Variants in FDXACB1 observed in about 807,000 individuals in gnomAD.
The protein encoded by FDXACB1 is ferredoxin-fold anticodon-binding domain-containing protein 1.
A neutral mutation model predicts 51.7 loss-of-function variants in FDXACB1; 41 were observed. The observed-to-expected ratio is 0.79, with a 90% CI of 0.62 to 1.03. The LOEUF (loss-of-function observed/expected upper bound fraction) is 1.03. Among genes scored for constraint, FDXACB1 ranks in the 50% least tolerant of loss-of-function variants. FDXACB1 has a pLI of 0.00. For missense variants in FDXACB1, 697 were observed against 746.4 expected (o/e 0.93, Z 0.77); for synonymous variants, 273 against 278.6 (o/e 0.98, Z 0.20).
intron 3 of FDXACB1, 56 bp downstream of exon 3, chr11:111,876,752 T>C: frequency 3.1e-6 from 5 of 1,595,890 alleles, no homozygotes; most frequent in Non-Finnish European, 4.3e-6. Flanking sequence ...GAGATTTTGT[T>C]ATCATTAGTG....
rs782445807 is a variant in FDXACB1 at position 111,875,501 on chromosome 11, C to T, written c.1296G>A (p.Lys432=). The T allele has an allele frequency of 6.2e-7, 1 of 1,612,118 alleles. No individual in the cohort carries two copies. The highest frequency in any genetic ancestry group is 1.1e-5 in the South Asian group (1 of 90,928). ...LLTQTLPESS[K]LSSLVKFVLQ... ...GGACAAATTTGACTAAACTGCTCAGCTTAGAGCTCTCCGGCAATGTCTGGG... is the reference window on the plus strand; with the variant it reads ...GGACAAATTTGACTAAACTGCTCAGTTTAGAGCTCTCCGGCAATGTCTGGG... Residue 432 remains lysine (K), a synonymous_variant, in exon 5 of 5, where the codon AAG becomes AAA. Transcript: ENST00000260257.
chr11:111,875,712 G>C lies in FDXACB1; in HGVS notation c.1085C>G (p.Pro362Arg). The C allele has an allele frequency of 5.0e-6, 8 of 1,613,526 alleles. No homozygotes were observed. The highest frequency in any genetic ancestry group is 6.8e-6 in the Non-Finnish European group (8 of 1,179,872). ...LVHVQDVIEV[P>R]DFLSGSLHIL... ...GTGCAGAGAACCTGAGAGGAAGTCT[G>C]GTACTTCGATGACATCCTGAACATG... The change falls in exon 5 of 5, where the codon CCA becomes CGA. Residue 362 changes from proline (P) to arginine (R), a missense_variant. Transcript: ENST00000260257.
chr11:111,875,704 G>A lies in FDXACB1; in HGVS notation c.1093C>T (p.Leu365Phe). 5 of 1,613,622 alleles carry A rather than the reference G, an allele frequency of 3.1e-6. No homozygotes were observed. The highest frequency in any genetic ancestry group is 4.2e-6 in the Non-Finnish European group (5 of 1,179,894). ...VQDVIEVPDF[L>F]SGSLHILSGP... is the part of the protein sequence containing the mutation. The stretch of plus-strand genomic sequence containing the variant: ...CTGAGGATGTGCAGAGAACCTGAGA[G>A]GAAGTCTGGTACTTCGATGACATCC... Residue 365 changes from leucine (L) to phenylalanine (F), a missense_variant, in exon 5 of 5, where the codon CTC (leucine) becomes TTC (phenylalanine). Physicochemically the swap from Leu to Phe is conservative, Grantham distance 22. Transcript: ENST00000260257.
Position 111,879,128 on chromosome 11 carries a change from G to T in FDXACB1, c.5C>A (p.Ala2Asp), listed in dbSNP as rs1309809670. 1 of 1,609,392 alleles carries T rather than the reference G, an allele frequency of 6.2e-7. No homozygotes were observed. Among genetic ancestry groups the T allele is most frequent in the Non-Finnish European group, 8.5e-7 (1 of 1,177,682 alleles). Reference sequence around the variant, plus strand: ...CCCAACCAACAGGAGGCGCCGAGGGGCCATGGCCTCCACGGACTCCCGGCT... The same window carrying T: ...CCCAACCAACAGGAGGCGCCGAGGGTCCATGGCCTCCACGGACTCCCGGCT... Reference protein sequence around the residue: MAPRRLLLVGEG... With the variant: MDPRRLLLVGEG... Residue 2 changes from alanine (A) to aspartate (D), a missense_variant, in exon 1 of 5, where the codon GCC becomes GAC. Physicochemically the swap from Ala to Asp is moderately radical, Grantham distance 126. Coordinates refer to ENST00000260257, the MANE Select transcript of FDXACB1 (RefSeq NM_138378.3).
chr11:111,875,479 C>A lies in FDXACB1; in HGVS notation c.1318G>T (p.Val440Phe), dbSNP rs1450712125. The change falls in exon 5 of 5, where the codon GTC becomes TTC. Residue 440 changes from valine (V) to phenylalanine (F), a missense_variant. Val to Phe is a conservative substitution (Grantham distance 50, BLOSUM62 -1). This residue lies in a region of FDXACB1 where 538 missense variants were observed against 592.2 expected (regional missense o/e 0.91). Coordinates refer to ENST00000260257, the MANE Select transcript of FDXACB1 (RefSeq NM_138378.3). ...TAATCCTTTCCATTTGACTGAAGGA[C>A]AAATTTGACTAAACTGCTCAGCTTA... Reference protein sequence around the residue: ...SSKLSSLVKFVLQSNGKDYMI... With the variant: ...SSKLSSLVKFFLQSNGKDYMI... 6.2e-7 allele frequency: 1 copy of A among 1,612,544 alleles called. No homozygotes were observed. The highest frequency in any genetic ancestry group is 1.3e-5 in the African/African-American group (1 of 74,488).
At position 111,875,453 on chromosome 11, in the gene FDXACB1, A is replaced by G. The variant is rs782152195; in HGVS notation, c.1344T>C (p.Tyr448=). The G allele has an allele frequency of 1.9e-6, 3 of 1,613,316 alleles. No homozygotes were observed. Among genetic ancestry groups the G allele is most frequent in the Non-Finnish European group, 2.5e-6 (3 of 1,179,822 alleles). ...KFVLQSNGKD[Y]MIRVKTHNFS... is the part of the protein sequence containing the mutation. The stretch of plus-strand genomic sequence containing the variant: ...AATTATGAGTCTTCACACGAATCAT[A>G]TAATCCTTTCCATTTGACTGAAGGA... The change falls in exon 5 of 5, where the codon TAT becomes TAC. Residue 448 remains tyrosine, a synonymous_variant. Transcript: ENST00000260257.
rs566970050 is a variant in FDXACB1 at position 111,878,615 on chromosome 11, A to G, written c.270T>C (p.His90=). ...TAGCTACGCCAGCTTTGCGTCCACA[A>G]TGCGGGAAGATGAAATAAATTTGAT... The part of the protein sequence containing the change: ...EFDQIYFIFP[H]CGRKAGVAKN... The change falls in exon 2 of 5, where the codon CAT becomes CAC. Residue 90 remains histidine (H), a synonymous_variant. Transcript: ENST00000260257. 7.5e-6 allele frequency: 12 copies of G among 1,603,616 alleles called. No homozygotes were observed. Among genetic ancestry groups the G allele is most frequent in the South Asian group, 1.1e-5 (1 of 89,124 alleles).
chr11:111,876,213 A>G (rs1964811458), intron 4 of FDXACB1, 109 bp from the exon 5 acceptor site: 3 of 1,056,870 alleles, frequency 2.8e-6, no homozygotes, highest in Non-Finnish European at 2.7e-6. Context: ...TTATCTTTAA[A>G]TTGATCTTGA....
intron 4 of FDXACB1, among the ~76,000 whole-genome samples, 174 bp downstream of exon 4, chr11:111,876,307 A>C (rs547272737): frequency 1.8e-4 from 28 of 152,236 alleles, no homozygotes; most frequent in Non-Finnish European, 4.1e-4. Flanking sequence ...ACAATATATC[A>C]GAAAATGTGA....
chr11:111,876,734 C>G, intron 3 of FDXACB1, 74 bp downstream of exon 3: 1 of 1,588,022 alleles, frequency 6.3e-7, no homozygotes, highest in South Asian at 1.1e-5. Flanking sequence ...CCTATTGAGT[C>G]TGTCTATGAG....
chr11:111,877,629 G>T (rs1964845120), intron 2 of FDXACB1, among the ~76,000 whole-genome samples: 1 of 147,890 alleles, frequency 6.8e-6, no homozygotes, highest in Non-Finnish European at 1.5e-5. Context: ...CGATTCTCCT[G>T]CCTCAGCCTC....
In FDXACB1 at chr11:111,875,181, T is replaced by A. The variant is rs782226506; in HGVS notation, c.1616A>T (p.Asp539Val). The change falls in exon 5 of 5, where the codon GAT becomes GTT. Residue 539 changes from aspartate (D) to valine (V), a missense_variant. This residue lies in a region of FDXACB1 where 538 missense variants were observed against 592.2 expected (regional missense o/e 0.91). Transcript: ENST00000260257. ...HSLYPPCYVH[D>V]VSFWIDQKKG... is the part of the protein sequence containing the mutation. ...CTTCTGATCTATCCAAAAACTAACA[T>A]CATGCACATAACATGGAGGATACAG... The A allele has an allele frequency of 1.2e-6, 2 of 1,613,810 alleles. No homozygotes were observed. The highest frequency in any genetic ancestry group is 1.7e-6 in the Non-Finnish European group (2 of 1,179,886).
In FDXACB1 at chr11:111,875,083, A is replaced by G; in HGVS notation, c.1714T>C (p.Phe572Leu). Reference sequence around the variant, plus strand: ...TTTGGATGCTGGAAACGGCTAAGAAACTGTATGGATATAATAGTGTCCTGA... The same window carrying G: ...TTTGGATGCTGGAAACGGCTAAGAAGCTGTATGGATATAATAGTGTCCTGA... ...VSQDTIISIQ[F>L]LSRFQHPKTQ... The change falls in exon 5 of 5, where the codon TTT becomes CTT. Residue 572 changes from phenylalanine (F) to leucine (L), a missense_variant. By Grantham distance (22) the Phe-to-Leu change is conservative (BLOSUM62 0). Coordinates refer to ENST00000260257, the MANE Select transcript of FDXACB1 (RefSeq NM_138378.3). 2 of 1,613,868 alleles carry G rather than the reference A, an allele frequency of 1.2e-6. No individual in the cohort carries two copies. The highest frequency in any genetic ancestry group is 1.7e-6 in the Non-Finnish European group (2 of 1,179,862).
rs1262941117 is a variant in FDXACB1, at chr11:111,879,156, C to T, written c.-24G>A. Reference sequence around the variant, plus strand: ...ATGGCCTCCACGGACTCCCGGCTCGCGTTCTCTGTGGCGCTCGTTTTACGT... The same window carrying T: ...ATGGCCTCCACGGACTCCCGGCTCGTGTTCTCTGTGGCGCTCGTTTTACGT... On this transcript the variant is annotated 5_prime_UTR_variant, in exon 1 of 5. Transcript: ENST00000260257. 2 of 1,594,956 alleles carry T rather than the reference C, an allele frequency of 1.3e-6. No individual in the cohort carries two copies. The highest frequency in any genetic ancestry group is 2.7e-5 in the African/African-American group (2 of 73,752).
In FDXACB1 at chr11:111,875,633, T is replaced by C. The variant is rs1555161995; in HGVS notation, c.1164A>G (p.Pro388=). Residue 388 remains proline, a synonymous_variant, in exon 5 of 5, where the codon CCA becomes CCG. Transcript: ENST00000260257. Reference sequence around the variant, plus strand: ...GGATAAATAAAGTTTCATGAAATGCTGGCATTGTGAAAGGCAAAATGTGGC... The same window carrying C: ...GGATAAATAAAGTTTCATGAAATGCCGGCATTGTGAAAGGCAAAATGTGGC... ...QKCHILPFTM[P]AFHETLFILG... 6.2e-7 allele frequency: 1 copy of C among 1,613,346 alleles called. No homozygotes were observed. Among genetic ancestry groups the C allele is most frequent in the Admixed American group, 1.7e-5 (1 of 59,926 alleles).
chr11:111,877,512 C>CTTTT (rs35506169), intron 2 of FDXACB1, among the ~76,000 whole-genome samples: 9 of 106,906 alleles, frequency 8.4e-5, no homozygotes, highest in African/African-American at 2.1e-4. Context: ...CTGTTAGTTA[C>CTTTT]TTTTTTTTTT....
Position 111,875,085 on chromosome 11 carries a change from T to C in FDXACB1, c.1712A>G (p.Gln571Arg), listed in dbSNP as rs1555161852. Reference protein sequence around the residue: ...AVSQDTIISIQFLSRFQHPKT... With the variant: ...AVSQDTIISIRFLSRFQHPKT... The stretch of plus-strand genomic sequence containing the variant: ...TGGATGCTGGAAACGGCTAAGAAAC[T>C]GTATGGATATAATAGTGTCCTGAGA... Residue 571 changes from glutamine to arginine, a missense_variant, in exon 5 of 5, where the codon CAG becomes CGG. Transcript: ENST00000260257. 2 of 1,613,802 alleles carry C rather than the reference T, an allele frequency of 1.2e-6. No individual in the cohort carries two copies. Among genetic ancestry groups the C allele is most frequent in the Non-Finnish European group, 1.7e-6 (2 of 1,179,884 alleles).
chr11:111,874,956 T>C lies in FDXACB1; in HGVS notation c.1841A>G (p.Glu614Gly). ...TATAACATATAGGTGTTGTTGAATC[T>C]CCTTCCTAAACTGGGACTGCATTGA... ...VASMQSQFRK[E>G]IQQHLYVIPR is the part of the protein sequence containing the mutation. The change falls in exon 5 of 5, where the codon GAG (glutamate) becomes GGG (glycine). Residue 614 changes from glutamate to glycine, a missense_variant. Around this residue, in one of 3 missense-constraint regions of FDXACB1, gnomAD observed 538 missense variants for 592.2 expected, o/e 0.91. Coordinates refer to ENST00000260257, the MANE Select transcript of FDXACB1 (RefSeq NM_138378.3). The C allele has an allele frequency of 6.2e-7, 1 of 1,613,990 alleles. No homozygotes were observed. The highest frequency in any genetic ancestry group is 1.3e-5 in the African/African-American group (1 of 75,048).
chr11:111,875,200 G>A lies in FDXACB1; in HGVS notation c.1597C>T (p.Pro533Ser). ...IEPFKSHSLYPPCYVHDVSFW... is the reference protein window; with the variant it reads ...IEPFKSHSLYSPCYVHDVSFW... The stretch of plus-strand genomic sequence containing the variant: ...CTAACATCATGCACATAACATGGAG[G>A]ATACAGAGAATGACTTTTAAAGGGT... The change falls in exon 5 of 5, where the codon CCT becomes TCT. Residue 533 changes from proline to serine, a missense_variant. Pro to Ser is a moderately conservative substitution (Grantham distance 74). This residue lies in a region of FDXACB1 where 538 missense variants were observed against 592.2 expected (regional missense o/e 0.91). Transcript: ENST00000260257. The A allele has an allele frequency of 1.2e-6, 2 of 1,613,822 alleles. No individual in the cohort carries two copies. The highest frequency in any genetic ancestry group is 2.2e-5 in the East Asian group (1 of 44,890).
Sources: gnomAD v4.1 joint callset for allele counts (sites outside exome capture counted in the v4.1 genomes callset) on GRCh38, gnomAD v4.1.1 for gene constraint, gnomAD v4.1.1 regional missense constraint, MANE v1.5 for transcripts, NCBI Gene and HGNC (gene_info 2026-07-23, HGNC 2026-07-21) for gene names.